The following EYS variants were observed in gnomAD, a reference collection of about 807,000 sequenced individuals.
EYS encodes EGF-like photoreceptor maintenance factor, also known as protein eyes shut homolog.
Under a neutral mutation model 282.1 loss-of-function variants are expected in EYS, and 250 were observed. The observed-to-expected ratio is 0.89, with a 90% CI of 0.80 to 0.98. EYS has a LOEUF of 0.98. Among genes scored for constraint, EYS ranks in the 50% least tolerant of loss-of-function variants. The pLI, the probability that EYS is intolerant of heterozygous loss-of-function variation, is 0.00. For missense variants in EYS, 4,016 were observed against 3,709.0 expected, an observed-to-expected ratio of 1.08 and a Z score of -2.15; for synonymous variants, 1,355 against 1,282.9, an observed-to-expected ratio of 1.06 and a Z score of -1.20.
At chr6:65,466,013 GAAAGA>G (rs1764986927) in intron 5 of EYS, among the ~76,000 whole-genome samples, 1 of 151,934 alleles carries the variant, frequency 6.6e-6, no homozygotes, top group African/African-American at 2.4e-5. Flanking sequence ...ATAAATAAGA[GAAAGA>G]AAATTCTACA....
chr6:65,117,112 G>C (rs1246114574), intron 12 of EYS, among the ~76,000 whole-genome samples: 1 of 152,114 alleles, frequency 6.6e-6, no homozygotes, highest in Non-Finnish European at 1.5e-5. Flanking sequence ...CAACTCTCCT[G>C]TGTTCTCTTC....
Position 64,912,682 on chromosome 6 carries a change from A to G in EYS, c.2443T>C (p.Ser815Pro), listed in dbSNP as rs1303059939. 6.5e-7 allele frequency: 1 copy of G among 1,528,592 alleles called. No homozygotes were observed. The highest frequency in any genetic ancestry group is 2.5e-5 in the East Asian group (1 of 40,490). The allele number at this position is 1,528,592 out of a possible 1,614,324, so 94.7% of individuals were successfully genotyped here. ...AGACCTCCATTCATGCATGGATCAGAGTCGCATTCATTTATTTCTTCACTA... is the reference window on the plus strand; with the variant it reads ...AGACCTCCATTCATGCATGGATCAGGGTCGCATTCATTTATTTCTTCACTA... ...NCSEEINECD[S>P]DPCMNGGLCH... The change falls in exon 16 of 43, where the codon TCT (serine) becomes CCT (proline). Residue 815 changes from serine (S) to proline (P), a missense_variant. Transcript: ENST00000503581.
At chr6:65,189,641 T>G (rs1305540916) in intron 12 of EYS, among the ~76,000 whole-genome samples, 1 of 151,782 alleles carries the variant, frequency 6.6e-6, no homozygotes, top group Non-Finnish European at 1.5e-5. Context: ...CAGCGTATAC[T>G]AGAAATGATG....
chr6:64,459,340 G>T (rs1279978770), intron 26 of EYS, among the ~76,000 whole-genome samples: 7 of 152,174 alleles, frequency 4.6e-5, no homozygotes, highest in Admixed American at 4.6e-4. Context: ...GCAGTTAAAT[G>T]AGAGTATGAG....
intron 22 of EYS, among the ~76,000 whole-genome samples, chr6:64,740,906 G>C (rs1772350278): frequency 6.6e-6 from 1 of 151,902 alleles, no homozygotes; most frequent in South Asian, 2.1e-4. Context: ...GTAGACACGG[G>C]GTTTCACCAT....
At chr6:64,370,097 T>A (rs1033480790) in intron 29 of EYS, among the ~76,000 whole-genome samples, 3 of 152,114 alleles carry the variant, frequency 2.0e-5, no homozygotes, top group Non-Finnish European at 4.4e-5. Flanking sequence ...GGCATCCTTG[T>A]CTTGTGCCAG....
chr6:65,418,085 A>G (rs183503518), intron 5 of EYS, among the ~76,000 whole-genome samples: 63 of 152,132 alleles, frequency 4.1e-4, no homozygotes, highest in Non-Finnish European at 6.8e-4. Context: ...GTGAGGTATA[A>G]TTTTTGGAAA....
intron 28 of EYS, among the ~76,000 whole-genome samples, chr6:64,405,775 G>A (rs557938689): frequency 1.3e-5 from 2 of 152,190 alleles, no homozygotes; most frequent in East Asian, 1.9e-4. Flanking sequence ...TTACAAGGAT[G>A]GGAAGGACCT....
intron 12 of EYS, among the ~76,000 whole-genome samples, chr6:65,158,466 T>C (rs1409663586): frequency 1.3e-5 from 2 of 150,962 alleles, no homozygotes; most frequent in African/African-American, 4.8e-5. Context: ...ATGTAATTCT[T>C]ATGTCATAGT....
chr6:64,594,787 A>T (rs1203305545), intron 24 of EYS, among the ~76,000 whole-genome samples: 1 of 151,868 alleles, frequency 6.6e-6, no homozygotes, highest in Admixed American at 6.6e-5. Context: ...ACATGTATAC[A>T]TATGTAACAA....
intron 16 of EYS, among the ~76,000 whole-genome samples, chr6:64,908,508 C>A (rs1373781453): frequency 1.3e-5 from 2 of 151,994 alleles, no homozygotes; most frequent in African/African-American, 4.8e-5. Context: ...GGTACCCACA[C>A]TCAGTGGGTC....
chr6:64,650,898 A>T (rs1308787426), intron 22 of EYS, among the ~76,000 whole-genome samples: 1 of 152,080 alleles, frequency 6.6e-6, no homozygotes, highest in African/African-American at 2.4e-5. Context: ...AAAATACCAC[A>T]GCAATATATT....
chr6:64,921,165 T>C (rs1294141744), intron 15 of EYS, among the ~76,000 whole-genome samples: 3 of 152,162 alleles, frequency 2.0e-5, no homozygotes, highest in African/African-American at 7.2e-5. Context: ...TAATCACACA[T>C]ACTTAGTTCA....
chr6:65,049,596 A>G (rs974389819), intron 13 of EYS, among the ~76,000 whole-genome samples: 6 of 151,756 alleles, frequency 4.0e-5, no homozygotes, highest in African/African-American at 1.4e-4. Context: ...TGTGCTGGAA[A>G]TGAAGAAAGG....
intron 22 of EYS, among the ~76,000 whole-genome samples, chr6:64,709,612 A>G (rs1415253134): frequency 1.3e-5 from 2 of 152,196 alleles, no homozygotes; most frequent in Non-Finnish European, 2.9e-5. Context: ...TCTTGAAGCA[A>G]TGAAGGCAAT....
chr6:64,926,478 C>A (rs1429937795), intron 15 of EYS, among the ~76,000 whole-genome samples: 1 of 152,152 alleles, frequency 6.6e-6, no homozygotes, highest in African/African-American at 2.4e-5. Flanking sequence ...AGGTTAGATC[C>A]AGAGCTTGGT....
intron 5 of EYS, among the ~76,000 whole-genome samples, chr6:65,416,951 T>C (rs1767264057): frequency 6.6e-6 from 1 of 152,026 alleles, no homozygotes; most frequent in Non-Finnish European, 1.5e-5. Context: ...CTAACTTGTT[T>C]ACCTATGTTT....
intron 12 of EYS, among the ~76,000 whole-genome samples, chr6:65,164,941 AATG>A (rs1459433219): frequency 1.3e-5 from 2 of 151,188 alleles, no homozygotes; most frequent in African/African-American, 2.4e-5. Flanking sequence ...GGGCCACCAT[AATG>A]ATCTCATTTT....
intron 1 of EYS, among the ~76,000 whole-genome samples, chr6:65,651,933 C>A (rs1488560633): frequency 6.6e-6 from 1 of 151,882 alleles, no homozygotes; most frequent in Non-Finnish European, 1.5e-5. Flanking sequence ...ATTGAGAACT[C>A]CTGGAAAGAG....
Sources: gnomAD v4.1 joint callset for allele counts (sites outside exome capture counted in the v4.1 genomes callset) on GRCh38, gnomAD v4.1.1 for gene constraint, MANE v1.5 for transcripts, NCBI Gene and HGNC (gene_info 2026-07-23, HGNC 2026-07-21) for gene names.